Variants in CLNK observed in about 807,000 individuals in gnomAD.
The protein encoded by CLNK is cytokine-dependent hematopoietic cell linker.
Under a neutral mutation model 68.6 loss-of-function variants are expected in CLNK, and 74 were observed. The observed-to-expected ratio is 1.08, with a 90% CI of 0.89 to 1.31. CLNK has a LOEUF of 1.31. CLNK is among the 50% of genes most tolerant of loss of function. CLNK has a pLI of 0.00. For missense variants in CLNK, 553 were observed against 515.3 expected (o/e 1.07, Z -0.71); for synonymous variants, 198 against 172.2 (o/e 1.15, Z -1.17).
the CLNK span, among the ~76,000 whole-genome samples, chr4:10,691,742 C>T: frequency 6.6e-6 from 1 of 152,136 alleles, no homozygotes; most frequent in Admixed American, 6.5e-5. Context: ...TCCAAATTGG[C>T]AGGACAAAGG....
At chr4:10,530,889 ATGAGC>A (rs1247993679) in intron 12 of CLNK, among the ~76,000 whole-genome samples, 2 of 152,178 alleles carry the variant, frequency 1.3e-5, no homozygotes, top group Non-Finnish European at 2.9e-5. Flanking sequence ...CCAGAAGAGC[ATGAGC>A]CTGGTGAAGT....
At position 10,584,939 on chromosome 4, in the gene CLNK, T is replaced by A. The variant is rs1720916030; in HGVS notation, c.100A>T (p.Asn34Tyr). 10 of 1,613,706 alleles carry A rather than the reference T, an allele frequency of 6.2e-6. No homozygotes were observed. The highest frequency in any genetic ancestry group is 1.3e-5 in the African/African-American group (1 of 74,906). The change falls in exon 4 of 19, where the codon AAT becomes TAT. Residue 34 changes from asparagine to tyrosine, a missense_variant. Physicochemically the swap from Asn to Tyr is moderately radical, Grantham distance 143. Transcript: ENST00000226951. ...LPKNRSWPRI[N>Y]SATGQYQRMN... ...AGCCCCGACTCACCTGTGGCACTATTGATGCGAGGCCATGACCTAGGGCAG... is the reference window on the plus strand; with the variant it reads ...AGCCCCGACTCACCTGTGGCACTATAGATGCGAGGCCATGACCTAGGGCAG...
chr4:10,553,056 G>GA (rs1329604260), intron 8 of CLNK, among the ~76,000 whole-genome samples: 2 of 151,998 alleles, frequency 1.3e-5, no homozygotes, highest in Non-Finnish European at 2.9e-5. Flanking sequence ...AGAGGAGGGG[G>GA]GGGCATGCAG....
intron 2 of CLNK, among the ~76,000 whole-genome samples, chr4:10,652,241 G>C (rs1352194348): frequency 1.3e-5 from 2 of 151,736 alleles, no homozygotes; most frequent in East Asian, 1.9e-4. Context: ...TATTAGCCTG[G>C]CATGGTGGCG....
In CLNK at chr4:10,543,424, T is replaced by C. The variant is rs6448054; in HGVS notation, c.446-1144A>G. On this transcript the variant is annotated intron_variant, in intron 8 of 18. Coordinates refer to ENST00000226951, the MANE Select transcript of CLNK (RefSeq NM_052964.4). ...CGGCTGGGTGGCTTCACACTGAGCA[T>C]CCTTTGCTTTCCTCATTTGTGAGAC... Among the ~76,000 whole-genome samples, 163 of 152,322 alleles carry C rather than the reference T, an allele frequency of 1.1e-3. 1 individual carries two copies. The highest frequency in any genetic ancestry group is 3.5e-3 in the African/African-American group (147 of 41,574).
chr4:10,679,370 A>G (rs1725002766), intron 1 of CLNK, among the ~76,000 whole-genome samples: 3 of 152,246 alleles, frequency 2.0e-5, no homozygotes, highest in Non-Finnish European at 2.9e-5. Context: ...TTAATTCAAG[A>G]TGGATGAAAG....
At chr4:10,615,494 G>A (rs186837009) in intron 2 of CLNK, among the ~76,000 whole-genome samples, 170 of 152,168 alleles carry the variant, frequency 1.1e-3, no homozygotes, top group Admixed American at 2.8e-3. Flanking sequence ...TCCAGCCTGG[G>A]CAACGGAGTA....
intron 8 of CLNK, among the ~76,000 whole-genome samples, chr4:10,544,633 T>C (rs2108810815): frequency 6.6e-6 from 1 of 152,238 alleles, no homozygotes; most frequent in Non-Finnish European, 1.5e-5. Flanking sequence ...CGAGGGAGCA[T>C]GTCCTGTGGA....
intron 5 of CLNK, among the ~76,000 whole-genome samples, chr4:10,570,553 G>T (rs1239830592): frequency 1.3e-5 from 2 of 151,992 alleles, no homozygotes; most frequent in Non-Finnish European, 2.9e-5. Context: ...TACAATTTTT[G>T]TGTGTGCATG....
chr4:10,598,051 T>C lies in CLNK; in HGVS notation c.12-2A>G, dbSNP rs1447948167. On this transcript the variant is annotated splice_acceptor_variant, in intron 2 of 18. Coordinates refer to ENST00000226951, the MANE Select transcript of CLNK (RefSeq NM_052964.4). LOFTEE classifies it high-confidence loss of function. ...TCTTTAGTTGTCTTTCTATTGCCCCTGGGATGAAAGAAAATAAATTATAGC... is the reference window on the plus strand; with the variant it reads ...TCTTTAGTTGTCTTTCTATTGCCCCCGGGATGAAAGAAAATAAATTATAGC... The C allele has an allele frequency of 6.4e-7, 1 of 1,569,564 alleles. No homozygotes were observed. Among genetic ancestry groups the C allele is most frequent in the East Asian group, 2.3e-5 (1 of 43,828 alleles).
chr4:10,564,872 A>G lies in CLNK; in HGVS notation c.293-95T>C. ...TGCACATCTACAAACTCATTGGATC[A>G]TTACAACGTAAGTAAGAGCAAGCAA... On this transcript the variant is annotated intron_variant, in intron 6 of 18. Transcript: ENST00000226951. The G allele has an allele frequency of 3.9e-6, 3 of 767,820 alleles. No homozygotes were observed. The South Asian group carries it at 4.6e-5, about 12-fold the overall frequency. The allele number at this position is 767,820 out of a possible 1,614,324, so 47.6% of individuals were successfully genotyped here.
chr4:10,698,422 G>A, the CLNK span, among the ~76,000 whole-genome samples: 1 of 152,134 alleles, frequency 6.6e-6, no homozygotes, highest in Non-Finnish European at 1.5e-5. Flanking sequence ...ATTGCTAAGT[G>A]AGTACATAAA....
intron 2 of CLNK, among the ~76,000 whole-genome samples, chr4:10,628,627 G>A (rs1460171331): frequency 1.3e-5 from 2 of 152,196 alleles, no homozygotes; most frequent in Non-Finnish European, 2.9e-5. Context: ...GGGACGAACT[G>A]TGCACAGTAG....
intron 2 of CLNK, among the ~76,000 whole-genome samples, chr4:10,624,341 C>G (rs1722576140): frequency 6.6e-6 from 1 of 152,178 alleles, no homozygotes; most frequent in East Asian, 1.9e-4. Flanking sequence ...GAGTCTCGCT[C>G]TGCTGCCCAG....
At chr4:10,550,494 CA>C (rs1012635428) in intron 8 of CLNK, among the ~76,000 whole-genome samples, 1 of 151,484 alleles carries the variant, frequency 6.6e-6, no homozygotes. Flanking sequence ...GACTCTGTCT[CA>C]AAAAAAATAA....
chr4:10,543,226 G>T (rs1448403292), intron 8 of CLNK, among the ~76,000 whole-genome samples: 7 of 152,180 alleles, frequency 4.6e-5, no homozygotes, highest in South Asian at 2.1e-4. Context: ...AAATGAATAT[G>T]TGGGACACTT....
intron 8 of CLNK, among the ~76,000 whole-genome samples, chr4:10,544,647 C>G (rs545523019): frequency 6.1e-4 from 93 of 152,240 alleles, no homozygotes; most frequent in African/African-American, 2.1e-3. Context: ...CTGTGGATAT[C>G]TTGGGAAGGG....
chr4:10,526,920 G>T (rs1033321762), intron 13 of CLNK, among the ~76,000 whole-genome samples: 1 of 152,106 alleles, frequency 6.6e-6, no homozygotes, highest in Non-Finnish European at 1.5e-5. Context: ...AGCTGTGACC[G>T]TAAGTAATAA....
chr4:10,630,128 A>G (rs1224521821), intron 2 of CLNK, among the ~76,000 whole-genome samples: 2 of 152,198 alleles, frequency 1.3e-5, no homozygotes, highest in South Asian at 2.1e-4. Flanking sequence ...AAATTGGATT[A>G]TTGTCTGCAA....
Sources: allele counts gnomAD v4.1 joint callset (sites outside exome capture counted in the v4.1 genomes callset), GRCh38; gene constraint gnomAD v4.1.1; transcripts MANE v1.5; gene names NCBI Gene and HGNC (gene_info 2026-07-23, HGNC 2026-07-21).